TRPC5: variants seen among roughly 807,000 people sequenced by gnomAD.
TRPC5 encodes transient receptor potential cation channel subfamily C member 5, also known as short transient receptor potential channel 5.
TRPC5 carries 9 observed loss-of-function variants against 56.5 expected under a neutral mutation model. The observed-to-expected ratio is 0.16, with a 90% CI of 0.10 to 0.28. TRPC5 has a LOEUF of 0.28. Ranked by LOEUF, TRPC5 falls within the 10% of genes least tolerant of loss-of-function variation. The pLI is 1.00. For missense variants in TRPC5, 469 were observed against 748.9 expected, an observed-to-expected ratio of 0.63 and a Z score of 4.36; for synonymous variants, 282 against 278.5, an observed-to-expected ratio of 1.01 and a Z score of -0.13.
At chrX:111,778,050 G>A (rs1173826711) in intron 10 of TRPC5, among the ~76,000 whole-genome samples, 1 of 111,961 alleles carries the variant, frequency 8.9e-6, no homozygotes, top group Non-Finnish European at 1.9e-5. Context: ...GATGAATTAT[G>A]TCTATGAATT....
intron 7 of TRPC5, among the ~76,000 whole-genome samples, chrX:111,815,223 G>T (rs1251112261): frequency 1.8e-5 from 2 of 111,119 alleles, no homozygotes; most frequent in African/African-American, 6.5e-5. Context: ...TTACATCAGT[G>T]GTTCTCAAAC....
At chrX:111,967,843 A>C (rs1263861695) in intron 1 of TRPC5, among the ~76,000 whole-genome samples, 1 of 112,120 alleles carries the variant, frequency 8.9e-6, no homozygotes, top group African/African-American at 3.3e-5. Flanking sequence ...TAAAGACTTA[A>C]ATGTTAGCCC....
At chrX:111,780,878 A>G (rs1252202696) in intron 9 of TRPC5, among the ~76,000 whole-genome samples, 2 of 111,627 alleles carry the variant, frequency 1.8e-5, no homozygotes, top group African/African-American at 6.5e-5. Context: ...TATTTGACTG[A>G]CTGACCAACC....
In TRPC5 at chrX:111,941,960, G is replaced by C. The variant is rs577378243; in HGVS notation, c.378+10083C>G. Among the ~76,000 whole-genome samples the C allele has an allele frequency of 1.5e-4, 17 of 111,673 alleles. 1 individual carries two copies. Among genetic ancestry groups the C allele is most frequent in the Admixed American group, 1.5e-3 (16 of 10,565 alleles). On this transcript the variant is annotated intron_variant, in intron 2 of 10. Coordinates refer to ENST00000262839, the MANE Select transcript of TRPC5 (RefSeq NM_012471.3). ...TAATGAGGGCTGCTGGGGATCTTCTGTTTATATTTTCCCCATGATGAGAAG... is the reference window on the plus strand; with the variant it reads ...TAATGAGGGCTGCTGGGGATCTTCTCTTTATATTTTCCCCATGATGAGAAG...
intron 1 of TRPC5, among the ~76,000 whole-genome samples, chrX:112,066,669 A>T (rs1442386833): frequency 8.9e-6 from 1 of 112,475 alleles, no homozygotes; most frequent in African/African-American, 3.2e-5. Flanking sequence ...GTAAAATGGG[A>T]ATTATTATAG....
chrX:111,990,078 A>G (rs920790984), intron 1 of TRPC5, among the ~76,000 whole-genome samples: 1 of 112,163 alleles, frequency 8.9e-6, no homozygotes, highest in Non-Finnish European at 1.9e-5. Context: ...TTTAAAAGGG[A>G]CAGTTAGACT....
Position 111,911,175 on chromosome X carries a change from G to A in TRPC5, c.900+1116C>T, listed in dbSNP as rs922864580. On this transcript the variant is annotated intron_variant, in intron 3 of 10. Transcript: ENST00000262839. The stretch of plus-strand genomic sequence containing the variant: ...AGGGACCAGATAAACACACAATGAC[G>A]TTTGCCTCAGAGCCTGATCCATGAA... 3.3e-4 allele frequency among the ~76,000 whole-genome samples: 8 copies of A among 24,373 alleles called. No homozygotes were observed. In the Admixed American group the frequency reaches 4.0e-3, roughly 12 times the overall value. The allele number at this position is 24,373 out of a possible 115,157, so 21.2% of individuals were successfully genotyped here.
At chrX:111,958,556 TTTTG>T (rs1264214788) in intron 1 of TRPC5, among the ~76,000 whole-genome samples, 1 of 112,172 alleles carries the variant, frequency 8.9e-6, no homozygotes. Context: ...AGAGCCCTGC[TTTTG>T]TTTGTGAGAT....
chrX:111,801,434 A>G (rs950211531), intron 7 of TRPC5, among the ~76,000 whole-genome samples: 1 of 112,017 alleles, frequency 8.9e-6, no homozygotes, highest in Non-Finnish European at 1.9e-5. Flanking sequence ...TTGCTGGGTC[A>G]TATGATAACT....
chrX:111,972,834 T>C (rs1927820652), intron 1 of TRPC5, among the ~76,000 whole-genome samples: 1 of 112,593 alleles, frequency 8.9e-6, no homozygotes, highest in South Asian at 3.7e-4. Flanking sequence ...CATTTTTCTC[T>C]TGTTTCTCAT....
In TRPC5 at chrX:111,772,291, G is replaced by C. The variant is rs1437399869; in HGVS notation, c.*4022C>G. On this transcript the variant is annotated 3_prime_UTR_variant, in exon 11 of 11. Transcript: ENST00000262839. ...CTTAGTTTTGAGGCAAAGCTGCAGG[G>C]ATTGAAGGTAGGGCTGTGAAGTAGG... Among the ~76,000 whole-genome samples, 1 of 111,966 alleles carries C rather than the reference G, an allele frequency of 8.9e-6. No homozygotes were observed. Among genetic ancestry groups the C allele is most frequent in the South Asian group, 3.7e-4 (1 of 2,680 alleles).
chrX:111,937,902 T>A (rs1476375870), intron 2 of TRPC5, among the ~76,000 whole-genome samples: 1 of 104,937 alleles, frequency 9.5e-6, no homozygotes, highest in Non-Finnish European at 1.9e-5. Context: ...GGTAGCTTGA[T>A]GGGGATGGCA....
intron 7 of TRPC5, among the ~76,000 whole-genome samples, chrX:111,832,761 G>A (rs1404638871): frequency 9.0e-6 from 1 of 111,376 alleles, no homozygotes; most frequent in Non-Finnish European, 1.9e-5. Context: ...AAGCCAATGT[G>A]TTTTCTTTGG....
At chrX:111,791,259 G>A (rs1162032158) in intron 7 of TRPC5, among the ~76,000 whole-genome samples, 3 of 110,463 alleles carry the variant, frequency 2.7e-5, no homozygotes, top group Non-Finnish European at 5.7e-5. Context: ...GAATGACTCA[G>A]CCCGTTGATG....
chrX:111,800,496 G>T (rs1921269919), intron 7 of TRPC5, among the ~76,000 whole-genome samples: 1 of 110,898 alleles, frequency 9.0e-6, no homozygotes, highest in South Asian at 3.9e-4. Flanking sequence ...CAGGCATGGT[G>T]GCTCATGCCT....
At chrX:111,881,145 T>TATTTTATTTTATTTTATTTTA (rs201802293) in intron 3 of TRPC5, among the ~76,000 whole-genome samples, 53 of 95,038 alleles carry the variant, frequency 5.6e-4, no homozygotes, top group African/African-American at 3.0e-3. Context: ...GATTTTCTTT[T>TATTTTATTTTATTTTATTTTA]GTTTATTTTA....
intron 2 of TRPC5, among the ~76,000 whole-genome samples, chrX:111,913,676 T>G (rs1925886166): frequency 9.0e-6 from 1 of 111,662 alleles, no homozygotes; most frequent in South Asian, 3.8e-4. Flanking sequence ...TTAAAATGTC[T>G]CTTGCCAGGC....
chrX:111,855,098 C>A (rs1352232647), intron 3 of TRPC5, among the ~76,000 whole-genome samples: 1 of 112,362 alleles, frequency 8.9e-6, no homozygotes, highest in East Asian at 2.8e-4. Flanking sequence ...TTAAACAGAG[C>A]TGCACCATTT....
chrX:111,944,685 T>G (rs1482354245), intron 2 of TRPC5, among the ~76,000 whole-genome samples: 1 of 110,360 alleles, frequency 9.1e-6, no homozygotes, highest in African/African-American at 3.3e-5. Context: ...AAGATTTAGG[T>G]AAAGAGACAC....
Sources: allele counts gnomAD v4.1 joint callset (sites outside exome capture counted in the v4.1 genomes callset), GRCh38; gene constraint gnomAD v4.1.1; transcripts MANE v1.5; gene names NCBI Gene and HGNC (gene_info 2026-07-23, HGNC 2026-07-21).